The following ACADL variants were observed in gnomAD, a reference collection of about 807,000 sequenced individuals.
ACADL encodes acyl-CoA dehydrogenase long chain.
A neutral mutation model predicts 56.9 loss-of-function variants in ACADL; 60 were observed. That is an observed-to-expected ratio of 1.05 (90% CI 0.86 to 1.31). The LOEUF (loss-of-function observed/expected upper bound fraction) is 1.31. Among genes scored for constraint, ACADL ranks in the 50% most tolerant of loss-of-function variants. ACADL has a pLI of 0.00. For missense variants in ACADL, 484 were observed against 525.5 expected (o/e 0.92, Z 0.77); for synonymous variants, 158 against 179.7 (o/e 0.88, Z 0.97).
chr2:210,209,939 G>A (rs183222311), intron 5 of ACADL: 45 of 377,176 alleles, frequency 1.2e-4, no homozygotes, highest in South Asian at 6.6e-4. Context: ...GTCTTTTTCT[G>A]GTTTAATAAG....
intron 5 of ACADL, among the ~76,000 whole-genome samples, chr2:210,208,166 T>C (rs952033925): frequency 2.0e-5 from 3 of 152,182 alleles, no homozygotes; most frequent in African/African-American, 4.8e-5. Context: ...GTATCTACAG[T>C]ATGCTCTCAA....
chr2:210,225,171 C>G lies in ACADL; in HGVS notation c.77+16G>C. 6.5e-7 allele frequency: 1 copy of G among 1,529,682 alleles called. No homozygotes were observed. The highest frequency in any genetic ancestry group is 8.7e-7 in the Non-Finnish European group (1 of 1,144,434). 94.8% of individuals were successfully genotyped at this position (1,529,682 alleles called of 1,614,324 possible). On this transcript the variant is annotated intron_variant, in intron 1 of 10. Transcript: ENST00000233710. Reference sequence around the variant, plus strand: ...CCTCCCGGCCTGCAGCCGCGGAAGTCCCGGCTGGCACTCACCGCGCGGCGG... The same window carrying G: ...CCTCCCGGCCTGCAGCCGCGGAAGTGCCGGCTGGCACTCACCGCGCGGCGG...
At chr2:210,194,668 A>T (rs938084686) in intron 9 of ACADL, among the ~76,000 whole-genome samples, 2 of 152,130 alleles carry the variant, frequency 1.3e-5, no homozygotes, top group Admixed American at 1.3e-4. Context: ...TTCTTCCTGA[A>T]TTTTTTCTTA....
intron 4 of ACADL, among the ~76,000 whole-genome samples, chr2:210,215,549 T>G (rs1689072610): frequency 6.6e-6 from 1 of 152,190 alleles, no homozygotes; most frequent in African/African-American, 2.4e-5. Context: ...TCCTCCTTGG[T>G]CCCTTTTTTG....
At chr2:210,189,677 ATATC>A (rs1289024203) in intron 10 of ACADL, among the ~76,000 whole-genome samples, 1 of 152,078 alleles carries the variant, frequency 6.6e-6, no homozygotes, top group Non-Finnish European at 1.5e-5. Context: ...AAAAACCCAA[ATATC>A]ATAAGTTCAC....
At chr2:210,208,189 A>G (rs1368904119) in intron 5 of ACADL, among the ~76,000 whole-genome samples, 1 of 152,214 alleles carries the variant, frequency 6.6e-6, no homozygotes, top group Non-Finnish European at 1.5e-5. Context: ...GGTCTCATAC[A>G]TGTTTTAACT....
intron 4 of ACADL, among the ~76,000 whole-genome samples, chr2:210,215,326 T>A (rs1010132443): frequency 6.6e-6 from 1 of 152,002 alleles, no homozygotes; most frequent in South Asian, 2.1e-4. Flanking sequence ...CCCACTGAAA[T>A]CACAAAGGAT....
At chr2:210,190,477 T>G (rs542858507) in intron 10 of ACADL, among the ~76,000 whole-genome samples, 3 of 152,140 alleles carry the variant, frequency 2.0e-5, no homozygotes, top group Non-Finnish European at 4.4e-5. Flanking sequence ...AGTAGACCTT[T>G]TATATGTTAC....
chr2:210,225,288 C>G lies in ACADL; in HGVS notation c.-25G>C. ...TGTCCGAAACACAGGGGCGGCGGGG[C>G]GACGGAGGCGACTCTGCGGCTACTC... is the stretch of plus-strand genomic sequence containing the variant. On this transcript the variant is annotated 5_prime_UTR_variant, in exon 1 of 11. Coordinates refer to ENST00000233710, the MANE Select transcript of ACADL (RefSeq NM_001608.4). 6.5e-7 allele frequency: 1 copy of G among 1,542,412 alleles called. No homozygotes were observed. The highest frequency in any genetic ancestry group is 1.9e-5 in the Admixed American group (1 of 51,962).
rs1054090763 is a variant in ACADL, at chr2:210,188,009, A to G, written c.*952T>C. The G allele has an allele frequency of 6.6e-6, 1 of 152,162 alleles. No individual in the cohort carries two copies. The highest frequency in any genetic ancestry group is 1.5e-5 in the Non-Finnish European group (1 of 68,022). 9.4% of individuals were successfully genotyped at this position (152,162 alleles called of 1,614,324 possible). Reference sequence around the variant, plus strand: ...CCTCACTTTTGAATTTTAAATGCTTACTTTATTATTTACATTGCACTTATG... The same window carrying G: ...CCTCACTTTTGAATTTTAAATGCTTGCTTTATTATTTACATTGCACTTATG... On this transcript the variant is annotated 3_prime_UTR_variant, in exon 11 of 11. Transcript: ENST00000233710.
At chr2:210,223,736 T>C (rs1483979318) in intron 1 of ACADL, among the ~76,000 whole-genome samples, 1 of 152,220 alleles carries the variant, frequency 6.6e-6, no homozygotes, top group Non-Finnish European at 1.5e-5. Flanking sequence ...TAAAACAATG[T>C]CACTCTTTTC....
intron 2 of ACADL, chr2:210,218,460 T>A (rs1689126153): frequency 4.1e-6 from 1 of 244,360 alleles, no homozygotes; most frequent in Admixed American, 5.2e-5. Flanking sequence ...AAAAAAAAAT[T>A]TTTTTTTGTA....
intron 8 of ACADL, among the ~76,000 whole-genome samples, chr2:210,196,015 C>T (rs1688705561): frequency 6.6e-6 from 1 of 152,086 alleles, no homozygotes; most frequent in Admixed American, 6.6e-5. Context: ...AATTGTAGCT[C>T]CCATAATCCC....
Position 210,192,823 on chromosome 2 carries a change from A to G in ACADL, c.1180T>C (p.Trp394Arg), listed in dbSNP as rs1358910155. 6.2e-7 allele frequency: 1 copy of G among 1,613,392 alleles called. No individual in the cohort carries two copies. The highest frequency in any genetic ancestry group is 1.3e-5 in the African/African-American group (1 of 74,928). Reference sequence around the variant, plus strand: ...ACTTACTTTGCAATTGGGTACTCCCACATGTATCCCCAACCTCCATGGAGC... The same window carrying G: ...ACTTACTTTGCAATTGGGTACTCCCGCATGTATCCCCAACCTCCATGGAGC... ...VQLHGGWGYM[W>R]EYPIAKAYVD... is the part of the protein sequence containing the mutation. The change falls in exon 10 of 11, where the codon TGG (tryptophan) becomes CGG (arginine). Residue 394 changes from tryptophan (W) to arginine (R), a missense_variant. Trp to Arg is a moderately radical substitution (Grantham distance 101). Transcript: ENST00000233710.
At chr2:210,215,804 A>C (rs530485932) in intron 4 of ACADL, among the ~76,000 whole-genome samples, 1 of 152,188 alleles carries the variant, frequency 6.6e-6, no homozygotes, top group Non-Finnish European at 1.5e-5. Flanking sequence ...AGTACTTATC[A>C]TAATTTATAG....
At chr2:210,197,599 A>G (rs1050739632) in intron 8 of ACADL, among the ~76,000 whole-genome samples, 4 of 152,228 alleles carry the variant, frequency 2.6e-5, no homozygotes, top group Non-Finnish European at 5.9e-5. Flanking sequence ...AGTTTAGTTC[A>G]ATGACACTAT....
At chr2:210,192,715 C>T in intron 10 of ACADL, 89 bp downstream of exon 10, 1 of 989,960 alleles carries the variant, frequency 1.0e-6, no homozygotes, top group Non-Finnish European at 1.6e-6. Flanking sequence ...TTGCACACCT[C>T]CTTTCCCTCT....
At chr2:210,207,745 ATAATGT>A (rs1321309442) in intron 5 of ACADL, among the ~76,000 whole-genome samples, 1 of 152,186 alleles carries the variant, frequency 6.6e-6, no homozygotes, top group Non-Finnish European at 1.5e-5. Flanking sequence ...AAATGGGCAA[ATAATGT>A]TAGTGTTGTC....
chr2:210,205,868 A>C (rs1313727340), intron 5 of ACADL, 72 bp from the exon 6 acceptor site: 1 of 1,582,558 alleles, frequency 6.3e-7, no homozygotes, highest in African/African-American at 1.3e-5. Context: ...GATTGGGAGA[A>C]AGTATATTAC....
Sources: allele counts gnomAD v4.1 joint callset (sites outside exome capture counted in the v4.1 genomes callset), GRCh38; gene constraint gnomAD v4.1.1; transcripts MANE v1.5; gene names NCBI Gene and HGNC (gene_info 2026-07-23, HGNC 2026-07-21).